LAMA3: variants seen among roughly 807,000 people sequenced by gnomAD.
LAMA3 encodes the protein laminin subunit alpha 3, also known as laminin subunit alpha-3.
Under a neutral mutation model 402.0 loss-of-function variants are expected in LAMA3, and 281 were observed. That is an observed-to-expected ratio of 0.70 (90% CI 0.63 to 0.77). The LOEUF (loss-of-function observed/expected upper bound fraction) is 0.77, where lower values mean the gene tolerates loss of function less well. LAMA3 is among the 30% of genes least tolerant of loss of function. LAMA3 has a pLI of 0.00. For missense variants in LAMA3, 3,840 were observed against 4,215.5 expected, an observed-to-expected ratio of 0.91 and a Z score of 2.47; for synonymous variants, 1,431 against 1,558.4, an observed-to-expected ratio of 0.92 and a Z score of 1.93.
At position 23,689,538 on chromosome 18, in the gene LAMA3, T is replaced by G. The variant is rs1033007134; in HGVS notation, c.-146T>G. On this transcript the variant is annotated 5_prime_UTR_variant, in exon 1 of 75. Transcript: ENST00000313654. ...CCCCACGCCGCGGGCTTCCAGCGCG[T>G]GGAGCAAGGGGAGCGGCCCCGGCGC... 1 of 762,436 alleles carries G rather than the reference T, an allele frequency of 1.3e-6. No homozygotes were observed. The highest frequency in any genetic ancestry group is 1.8e-5 in the African/African-American group (1 of 54,804). The allele number at this position is 762,436 out of a possible 1,614,324, so 47.2% of individuals were successfully genotyped here.
chr18:23,939,122 TCCTC>T, intron 67 of LAMA3, 97 bp from the exon 68 acceptor site: 1 of 1,261,694 alleles, frequency 7.9e-7, no homozygotes, highest in East Asian at 2.3e-5. Context: ...CCTACTGAAT[TCCTC>T]ACTTAGGATC....
At chr18:23,775,709 C>T (rs1047135516) in intron 9 of LAMA3, 83 bp from the exon 10 acceptor site, 22 of 1,482,422 alleles carry the variant, frequency 1.5e-5, no homozygotes, top group African/African-American at 1.1e-4. Flanking sequence ...AAGTATGGAA[C>T]GTTGCCTGGG....
At chr18:23,841,448 G>T (rs1039721261) in intron 27 of LAMA3, among the ~76,000 whole-genome samples, 3 of 152,270 alleles carry the variant, frequency 2.0e-5, no homozygotes, top group African/African-American at 7.2e-5. Flanking sequence ...GGGAGGGCCA[G>T]CCAGGGCCAT....
intron 2 of LAMA3, among the ~76,000 whole-genome samples, chr18:23,741,893 G>A (rs1212578341): frequency 6.6e-6 from 1 of 152,072 alleles, no homozygotes; most frequent in African/African-American, 2.4e-5. Context: ...AGGCTGAGGC[G>A]GGCGGATCAC....
At chr18:23,723,926 G>A (rs1427653940) in intron 2 of LAMA3, among the ~76,000 whole-genome samples, 1 of 151,884 alleles carries the variant, frequency 6.6e-6, no homozygotes, top group Non-Finnish European at 1.5e-5. Flanking sequence ...GTGGTGTTTG[G>A]TTACATTAGT....
chr18:23,882,593 G>A (rs991055549), intron 40 of LAMA3, among the ~76,000 whole-genome samples: 79 of 149,802 alleles, frequency 5.3e-4, no homozygotes, highest in African/African-American at 1.8e-3. Context: ...CTGGGCGAGA[G>A]AGCGAGACTC....
chr18:23,875,129 T>G (rs898864722), intron 38 of LAMA3, among the ~76,000 whole-genome samples: 10 of 152,172 alleles, frequency 6.6e-5, no homozygotes, highest in African/African-American at 2.2e-4. Context: ...CCTCCCAAAG[T>G]GCTGGAATTA....
chr18:23,804,058 C>A (rs2062915657), intron 12 of LAMA3, among the ~76,000 whole-genome samples: 1 of 152,130 alleles, frequency 6.6e-6, no homozygotes, highest in South Asian at 2.1e-4. Context: ...ATGGTCAGCT[C>A]ACATCACATA....
At chr18:23,897,555 T>G (rs1022343749) in intron 44 of LAMA3, among the ~76,000 whole-genome samples, 7 of 152,188 alleles carry the variant, frequency 4.6e-5, no homozygotes, top group African/African-American at 1.7e-4. Context: ...AACCTAGTGT[T>G]GTTCTCATTA....
chr18:23,950,180 A>G lies in LAMA3; in HGVS notation c.9642+21A>G, dbSNP rs748407342. The G allele has an allele frequency of 1.9e-5, 31 of 1,613,638 alleles. No individual in the cohort carries two copies. In the South Asian group the frequency reaches 2.5e-4, roughly 13 times the overall value. ...GAAAGGTGTGTAGCAGTCTGATGCC[A>G]TGGGGAGGGTCTGTAGAAACCAGCT... On this transcript the variant is annotated intron_variant, in intron 72 of 74. Coordinates refer to ENST00000313654, the MANE Select transcript of LAMA3 (RefSeq NM_198129.4).
chr18:23,818,246 A>G (rs1166549054), intron 18 of LAMA3, among the ~76,000 whole-genome samples: 1 of 152,220 alleles, frequency 6.6e-6, no homozygotes. Flanking sequence ...ACCAGCAAAC[A>G]TTTTTTCTTC....
Position 23,890,065 on chromosome 18 carries a change from A to G in LAMA3, c.5358A>G (p.Pro1786=), listed in dbSNP as rs2145010904. The G allele has an allele frequency of 1.9e-6, 3 of 1,614,230 alleles. No individual in the cohort carries two copies. The highest frequency in any genetic ancestry group is 2.5e-6 in the Non-Finnish European group (3 of 1,180,024). The part of the protein sequence containing the change: ...NPQKFGGSCQ[P]CSCNSNGQLG... ...AGAAATTCGGAGGTAGCTGCCAACCATGCAGTTGTAACAGCAATGGCCAGC... is the reference window on the plus strand; with the variant it reads ...AGAAATTCGGAGGTAGCTGCCAACCGTGCAGTTGTAACAGCAATGGCCAGC... The change falls in exon 42 of 75, where the codon CCA becomes CCG. Residue 1786 remains proline, a synonymous_variant. Transcript: ENST00000313654.
At chr18:23,817,077 C>T (rs558766007) in intron 18 of LAMA3, among the ~76,000 whole-genome samples, 6 of 152,074 alleles carry the variant, frequency 3.9e-5, no homozygotes, top group African/African-American at 7.2e-5. Flanking sequence ...CCCAGGGTTG[C>T]GGTGGGGGTA....
At chr18:23,852,468 T>A (rs2063967697) in intron 32 of LAMA3, among the ~76,000 whole-genome samples, 2 of 152,250 alleles carry the variant, frequency 1.3e-5, no homozygotes, top group South Asian at 4.1e-4. Flanking sequence ...ACATCTCAGT[T>A]CCTTGTGAGG....
chr18:23,695,833 A>AAAAAG (rs2060676036), intron 1 of LAMA3, among the ~76,000 whole-genome samples: 1 of 129,428 alleles, frequency 7.7e-6, no homozygotes, highest in African/African-American at 2.7e-5. Flanking sequence ...AAAAAAAAAA[A>AAAAAG]AAAGAAATAT....
intron 38 of LAMA3, among the ~76,000 whole-genome samples, 177 bp from the exon 39 acceptor site, chr18:23,876,117 C>G (rs1355266963): frequency 2.0e-5 from 3 of 152,170 alleles, no homozygotes; most frequent in African/African-American, 7.2e-5. Context: ...GCCCAAGACT[C>G]TAGTGGACTA....
Position 23,689,720 on chromosome 18 carries a change from G to A in LAMA3, c.37G>A (p.Gly13Arg), listed in dbSNP as rs1309244363. 2.1e-6 allele frequency: 3 copies of A among 1,410,752 alleles called. No individual in the cohort carries two copies. The highest frequency in any genetic ancestry group is 2.8e-6 in the Non-Finnish European group (3 of 1,085,158). The allele number at this position is 1,410,752 out of a possible 1,614,324, so 87.4% of individuals were successfully genotyped here. A position where few individuals can be genotyped will look rare whatever the true frequency, so the allele number is the denominator to read the frequency against. ...CGCGCGGCCTCGGGGTCGGGCACTG[G>A]GGCCAGTACTGCCGCCGACGCCGCT... Reference protein sequence around the residue: ...AAARPRGRALGPVLPPTPLLL... With the variant: ...AAARPRGRALRPVLPPTPLLL... The change falls in exon 1 of 75, where the codon GGG becomes AGG. Residue 13 changes from glycine to arginine, a missense_variant. Transcript: ENST00000313654.
chr18:23,912,968 C>A, intron 56 of LAMA3, 87 bp downstream of exon 56: 2 of 1,198,768 alleles, frequency 1.7e-6, no homozygotes, highest in Non-Finnish European at 1.2e-6. Context: ...GGCTGCATCA[C>A]TGCCATTAGC....
At chr18:23,786,635 G>C (rs2062550266) in intron 12 of LAMA3, among the ~76,000 whole-genome samples, 1 of 152,198 alleles carries the variant, frequency 6.6e-6, no homozygotes, top group South Asian at 2.1e-4. Context: ...CATACATAGG[G>C]GAAGAAGAAG....
Sources: allele counts gnomAD v4.1 joint callset (sites outside exome capture counted in the v4.1 genomes callset), GRCh38; gene constraint gnomAD v4.1.1; transcripts MANE v1.5; gene names NCBI Gene and HGNC (gene_info 2026-07-23, HGNC 2026-07-21).